Variants in CTNNA3 observed in about 807,000 individuals in gnomAD.
CTNNA3 encodes catenin alpha-3.
A neutral mutation model predicts 95.7 loss-of-function variants in CTNNA3; 76 were observed. That is an observed-to-expected ratio of 0.79 (90% CI 0.66 to 0.96). The LOEUF (loss-of-function observed/expected upper bound fraction) is 0.96. Ranked by LOEUF, CTNNA3 falls within the 40% of genes least tolerant of loss-of-function variation. The probability of loss-of-function intolerance (pLI) is 0.00; values close to 1 mark genes in which losing one functional copy is unlikely to be tolerated. For synonymous variants in CTNNA3, 431 were observed against 374.4 expected, an observed-to-expected ratio of 1.15 and a Z score of -1.74; for missense variants, 1,191 against 1,089.8, an observed-to-expected ratio of 1.09 and a Z score of -1.31.
chr10:66,201,309 G>T (rs768433449), intron 13 of CTNNA3, among the ~76,000 whole-genome samples: 13 of 152,018 alleles, frequency 8.6e-5, no homozygotes, highest in Non-Finnish European at 1.8e-4. Context: ...AATGTTTGCT[G>T]GGTTGCTAAT....
At chr10:67,417,348 C>A (rs974333241) in intron 5 of CTNNA3, among the ~76,000 whole-genome samples, 1 of 152,246 alleles carries the variant, frequency 6.6e-6, no homozygotes, top group African/African-American at 2.4e-5. Context: ...AGGTACTAGG[C>A]TCACTACAAC....
intron 7 of CTNNA3, among the ~76,000 whole-genome samples, chr10:67,016,263 T>C (rs1852652640): frequency 6.6e-6 from 1 of 152,230 alleles, no homozygotes; most frequent in Admixed American, 6.5e-5. Context: ...AGGGGATAGC[T>C]GGAAATGTAC....
intron 7 of CTNNA3, among the ~76,000 whole-genome samples, chr10:66,884,174 T>C (rs370317724): frequency 6.6e-6 from 1 of 152,108 alleles, no homozygotes; most frequent in African/African-American, 2.4e-5. Flanking sequence ...TCTGCCTCCA[T>C]GATCCAAATA....
At chr10:66,463,496 A>T (rs1361116002) in intron 11 of CTNNA3, among the ~76,000 whole-genome samples, 3 of 152,178 alleles carry the variant, frequency 2.0e-5, no homozygotes, top group Admixed American at 2.0e-4. Flanking sequence ...CCTTTATAGC[A>T]ATGCCAACAG....
intron 5 of CTNNA3, among the ~76,000 whole-genome samples, chr10:67,456,590 C>T (rs1053925198): frequency 6.6e-6 from 1 of 152,114 alleles, no homozygotes; most frequent in Non-Finnish European, 1.5e-5. Flanking sequence ...CAAAACCACC[C>T]TTTAGGGTTC....
At chr10:66,588,245 C>A (rs1394194335) in intron 10 of CTNNA3, among the ~76,000 whole-genome samples, 2 of 151,814 alleles carry the variant, frequency 1.3e-5, no homozygotes, top group Admixed American at 1.3e-4. Context: ...GGCAGTCTCT[C>A]CCCCTCTCAC....
chr10:65,934,562 C>T (rs1303664011), intron 17 of CTNNA3, among the ~76,000 whole-genome samples: 2 of 152,176 alleles, frequency 1.3e-5, no homozygotes, highest in East Asian at 1.9e-4. Context: ...TCACCCCACT[C>T]ACATCTATTT....
At chr10:66,430,807 A>G (rs12252058) in intron 11 of CTNNA3, among the ~76,000 whole-genome samples, 17,825 of 152,230 alleles carry the variant, frequency 0.12, 1,511 homozygotes, top group African/African-American at 0.24. Context: ...ACCCTGGAAG[A>G]AAACCTAGGC....
intron 7 of CTNNA3, among the ~76,000 whole-genome samples, chr10:67,017,460 T>C (rs1343985052): frequency 6.6e-6 from 1 of 152,134 alleles, no homozygotes; most frequent in African/African-American, 2.4e-5. Context: ...GAGCCACGAT[T>C]AGTCCTCCAC....
At chr10:66,646,506 T>G (rs1845712692) in intron 9 of CTNNA3, among the ~76,000 whole-genome samples, 1 of 152,166 alleles carries the variant, frequency 6.6e-6, no homozygotes, top group African/African-American at 2.4e-5. Context: ...TAAAGACATG[T>G]CTGTATGGAA....
At chr10:67,086,116 A>G (rs1857293928) in intron 7 of CTNNA3, among the ~76,000 whole-genome samples, 1 of 152,046 alleles carries the variant, frequency 6.6e-6, no homozygotes, top group Admixed American at 6.6e-5. Context: ...GAATGAGTGG[A>G]TAGATGGATA....
chr10:66,574,846 A>G (rs1842962023), intron 10 of CTNNA3, among the ~76,000 whole-genome samples: 1 of 152,146 alleles, frequency 6.6e-6, no homozygotes, highest in African/African-American at 2.4e-5. Flanking sequence ...CTTAGTCTAC[A>G]TTCCAGATTC....
chr10:66,795,362 T>C (rs962718907), intron 7 of CTNNA3, among the ~76,000 whole-genome samples: 14 of 152,022 alleles, frequency 9.2e-5, no homozygotes, highest in Non-Finnish European at 1.6e-4. Context: ...TCTAACAGAG[T>C]TCTTGGGTGA....
At chr10:67,520,829 T>C (rs567113817) in intron 5 of CTNNA3, among the ~76,000 whole-genome samples, 1 of 152,338 alleles carries the variant, frequency 6.6e-6, no homozygotes, top group African/African-American at 2.4e-5. Context: ...GTTGACTTAA[T>C]GAGATTTAAC....
In CTNNA3 at chr10:66,151,214, G is replaced by T. The variant is rs576608292; in HGVS notation, c.1885-47965C>A. 3.3e-4 allele frequency among the ~76,000 whole-genome samples: 50 copies of T among 152,040 alleles called. 1 individual carries two copies. Among genetic ancestry groups the T allele is most frequent in the Admixed American group, 1.4e-3 (22 of 15,204 alleles). On this transcript the variant is annotated intron_variant, in intron 13 of 17. Coordinates refer to ENST00000433211, the MANE Select transcript of CTNNA3 (RefSeq NM_013266.4). ...AATGTCATGTCTAAATTGATATTTA[G>T]ATAAAGTACTATGGGGACAACTTAT...
intron 11 of CTNNA3, among the ~76,000 whole-genome samples, chr10:66,447,009 C>T (rs867081515): frequency 6.6e-6 from 1 of 151,622 alleles, no homozygotes; most frequent in Non-Finnish European, 1.5e-5. Context: ...GCAAAAATCA[C>T]AAGCATTCTT....
At chr10:66,535,085 T>G (rs1332699779) in intron 10 of CTNNA3, among the ~76,000 whole-genome samples, 8 of 152,140 alleles carry the variant, frequency 5.3e-5, no homozygotes, top group African/African-American at 1.9e-4. Flanking sequence ...CACTACTTAT[T>G]GTAATAATTA....
At chr10:67,569,273 T>C (rs917535625) in intron 3 of CTNNA3, among the ~76,000 whole-genome samples, 6 of 152,178 alleles carry the variant, frequency 3.9e-5, no homozygotes, top group African/African-American at 1.4e-4. Flanking sequence ...GGTGTGCGGA[T>C]GATTGGGAAG....
chr10:66,093,578 CA>C (rs1197275511), intron 14 of CTNNA3, among the ~76,000 whole-genome samples: 2 of 151,890 alleles, frequency 1.3e-5, no homozygotes, highest in Non-Finnish European at 2.9e-5. Context: ...ATCATTGTAG[CA>C]AATAAAAAGG....
Sources: allele counts gnomAD v4.1 joint callset (sites outside exome capture counted in the v4.1 genomes callset), GRCh38; gene constraint gnomAD v4.1.1; transcripts MANE v1.5; gene names NCBI Gene and HGNC (gene_info 2026-07-23, HGNC 2026-07-21).